FBXL7: variants seen among roughly 807,000 people sequenced by gnomAD.
The protein encoded by FBXL7 is F-box/LRR-repeat protein 7.
Under a neutral mutation model 38.3 loss-of-function variants are expected in FBXL7, and 12 were observed. The observed-to-expected ratio is 0.31, with a 90% CI of 0.20 to 0.51. FBXL7 has a LOEUF of 0.51. Ranked by LOEUF, FBXL7 falls within the 20% of genes least tolerant of loss-of-function variation. The probability of loss-of-function intolerance (pLI) is 0.98; values close to 1 mark genes in which losing one functional copy is unlikely to be tolerated. For missense variants in FBXL7, 567 were observed against 676.4 expected (o/e 0.84, Z 1.79); for synonymous variants, 297 against 300.9 (o/e 0.99, Z 0.13).
intron 2 of FBXL7, among the ~76,000 whole-genome samples, chr5:15,808,819 C>T (rs1384612883): frequency 2.0e-5 from 3 of 152,154 alleles, no homozygotes; most frequent in Non-Finnish European, 4.4e-5. Context: ...TAGCAGGACT[C>T]GTGAGTTCAT....
chr5:15,584,440 G>T (rs1041257114), intron 1 of FBXL7, among the ~76,000 whole-genome samples: 1 of 152,138 alleles, frequency 6.6e-6, no homozygotes, highest in Non-Finnish European at 1.5e-5. Context: ...CAGATCTCTA[G>T]GGCAGGGGCA....
At chr5:15,897,238 A>G (rs1009336910) in intron 2 of FBXL7, among the ~76,000 whole-genome samples, 3 of 152,162 alleles carry the variant, frequency 2.0e-5, no homozygotes, top group Admixed American at 2.0e-4. Context: ...CCAGTCTTCT[A>G]TGCAATCACT....
In FBXL7 at chr5:15,500,534, T is replaced by G. The variant is rs1736458827; in HGVS notation, c.-143T>G. ...CCTCCCACTGGAGTGCGGGGACCTC[T>G]CCAGGCCGGAGGTCGGCCCCGGAGC... is the stretch of plus-strand genomic sequence containing the variant. On this transcript the variant is annotated 5_prime_UTR_variant, in exon 1 of 4. Coordinates refer to ENST00000504595, the MANE Select transcript of FBXL7 (RefSeq NM_012304.5). 2 of 1,165,666 alleles carry G rather than the reference T, an allele frequency of 1.7e-6. No homozygotes were observed. Among genetic ancestry groups the G allele is most frequent in the Non-Finnish European group, 2.6e-6 (2 of 773,520 alleles). The allele number at this position is 1,165,666 out of a possible 1,614,324, so 72.2% of individuals were successfully genotyped here. A position where few individuals can be genotyped will look rare whatever the true frequency, so the allele number is the denominator to read the frequency against.
chr5:15,765,575 A>G (rs1351124106), intron 2 of FBXL7, among the ~76,000 whole-genome samples: 1 of 152,196 alleles, frequency 6.6e-6, no homozygotes, highest in East Asian at 1.9e-4. Flanking sequence ...GAAACTTTCT[A>G]AAGAAGGAGG....
chr5:15,860,113 G>T (rs1273697606), intron 2 of FBXL7, among the ~76,000 whole-genome samples: 1 of 152,092 alleles, frequency 6.6e-6, no homozygotes, highest in Non-Finnish European at 1.5e-5. Context: ...TAAATAAAAA[G>T]CACATACTTC....
At chr5:15,604,547 G>A (rs969572631) in intron 1 of FBXL7, among the ~76,000 whole-genome samples, 1 of 152,090 alleles carries the variant, frequency 6.6e-6, no homozygotes, top group African/African-American at 2.4e-5. Flanking sequence ...TACAGACAGG[G>A]TTTCGCCATG....
chr5:15,546,150 A>T (rs1737885826), intron 1 of FBXL7, among the ~76,000 whole-genome samples: 2 of 152,206 alleles, frequency 1.3e-5, no homozygotes, highest in African/African-American at 4.8e-5. Flanking sequence ...TGTTTCTAGG[A>T]CAGATGCAGT....
intron 2 of FBXL7, among the ~76,000 whole-genome samples, chr5:15,657,285 A>T (rs1289002652): frequency 6.6e-6 from 1 of 152,166 alleles, no homozygotes; most frequent in South Asian, 2.1e-4. Context: ...ATGTTGCCCT[A>T]CTTTAGTAGG....
At chr5:15,614,417 G>A (rs573714707) in intron 1 of FBXL7, among the ~76,000 whole-genome samples, 5 of 151,966 alleles carry the variant, frequency 3.3e-5, no homozygotes, top group Non-Finnish European at 7.4e-5. Context: ...TTACAGGCAT[G>A]TGCCACCATG....
At chr5:15,914,341 G>A (rs1375474041) in intron 2 of FBXL7, among the ~76,000 whole-genome samples, 32 of 147,612 alleles carry the variant, frequency 2.2e-4, no homozygotes, top group East Asian at 1.6e-3. Context: ...AGCCGAGATC[G>A]CGCCACTGCA....
In FBXL7 at chr5:15,927,935, T is replaced by C; in HGVS notation, c.173T>C (p.Leu58Pro). The C allele has an allele frequency of 1.3e-6, 2 of 1,558,516 alleles. No homozygotes were observed. Among genetic ancestry groups the C allele is most frequent in the South Asian group, 2.5e-5 (2 of 80,702 alleles). Residue 58 changes from leucine to proline, a missense_variant, in exon 3 of 4, where the codon CTG (leucine) becomes CCG (proline). Transcript: ENST00000504595. ...MRTLSTPSPA[L>P]ICPPNLPGFQ... Reference sequence around the variant, plus strand: ...ACACTGAGCACGCCCAGCCCAGCCCTGATATGTCCACCGAATCTCCCAGGA... The same window carrying C: ...ACACTGAGCACGCCCAGCCCAGCCCCGATATGTCCACCGAATCTCCCAGGA...
chr5:15,581,129 A>G (rs1488127447), intron 1 of FBXL7, among the ~76,000 whole-genome samples: 2 of 152,188 alleles, frequency 1.3e-5, no homozygotes, highest in Non-Finnish European at 2.9e-5. Flanking sequence ...AGCCAGTTCA[A>G]TATATTGATC....
chr5:15,887,253 C>G (rs1450166990), intron 2 of FBXL7, among the ~76,000 whole-genome samples: 1 of 152,096 alleles, frequency 6.6e-6, no homozygotes, highest in African/African-American at 2.4e-5. Flanking sequence ...ATGTTTCACT[C>G]CTTATGTTTA....
At chr5:15,568,295 G>A (rs1181350373) in intron 1 of FBXL7, among the ~76,000 whole-genome samples, 1 of 152,102 alleles carries the variant, frequency 6.6e-6, no homozygotes, top group Non-Finnish European at 1.5e-5. Context: ...CATTCTAACT[G>A]GTGTGAGATG....
At chr5:15,681,859 T>G (rs1404916310) in intron 2 of FBXL7, among the ~76,000 whole-genome samples, 1 of 152,206 alleles carries the variant, frequency 6.6e-6, no homozygotes, top group Non-Finnish European at 1.5e-5. Flanking sequence ...AAATGGAATT[T>G]TATTTTTTGA....
intron 1 of FBXL7, among the ~76,000 whole-genome samples, chr5:15,587,666 A>T (rs902481502): frequency 6.6e-6 from 1 of 152,172 alleles, no homozygotes; most frequent in Non-Finnish European, 1.5e-5. Context: ...CCTCAAATTT[A>T]AATAATTTTC....
At chr5:15,531,576 C>G (rs1377277740) in intron 1 of FBXL7, among the ~76,000 whole-genome samples, 1 of 152,204 alleles carries the variant, frequency 6.6e-6, no homozygotes, top group African/African-American at 2.4e-5. Flanking sequence ...CAGGCTGACT[C>G]TGGCCATAAG....
At chr5:15,646,965 C>G (rs1298489568) in intron 2 of FBXL7, among the ~76,000 whole-genome samples, 1 of 152,142 alleles carries the variant, frequency 6.6e-6, no homozygotes, top group African/African-American at 2.4e-5. Context: ...GCCCAAATCA[C>G]AGGAAAACCG....
At chr5:15,572,935 C>G (rs1263924973) in intron 1 of FBXL7, among the ~76,000 whole-genome samples, 1 of 152,030 alleles carries the variant, frequency 6.6e-6, no homozygotes, top group Non-Finnish European at 1.5e-5. Context: ...CCAGGTTTAC[C>G]CCTGTAAGCG....
Sources: gnomAD v4.1 joint callset for allele counts (sites outside exome capture counted in the v4.1 genomes callset) on GRCh38, gnomAD v4.1.1 for gene constraint, MANE v1.5 for transcripts, NCBI Gene and HGNC (gene_info 2026-07-23, HGNC 2026-07-21) for gene names.